Variants in ATP6V1E1 observed in about 807,000 individuals in gnomAD.
ATP6V1E1 encodes ATPase H+ transporting V1 subunit E1, also known as V-type proton ATPase subunit E 1.
In ATP6V1E1, 21 loss-of-function variants were observed where a neutral mutation model predicts 35.2. That is an observed-to-expected ratio of 0.60 (90% CI 0.42 to 0.86). The LOEUF (loss-of-function observed/expected upper bound fraction) is 0.86, where lower values mean the gene tolerates loss of function less well. Ranked by LOEUF, ATP6V1E1 falls within the 40% of genes least tolerant of loss-of-function variation. The pLI is 0.00. For missense variants in ATP6V1E1, 183 were observed against 272.6 expected, an observed-to-expected ratio of 0.67 and a Z score of 2.32; for synonymous variants, 83 against 87.8, an observed-to-expected ratio of 0.95 and a Z score of 0.30.
intron 2 of ATP6V1E1, among the ~76,000 whole-genome samples, chr22:17,617,998 C>T (rs1048528344): frequency 1.6e-4 from 24 of 150,936 alleles, no homozygotes; most frequent in Non-Finnish European, 2.4e-4. Context: ...TTAGTAGACA[C>T]GGGGTTTCAC....
At chr22:17,613,178 C>A (rs565993607) in intron 3 of ATP6V1E1, 33 bp downstream of exon 3, 1 of 1,589,442 alleles carries the variant, frequency 6.3e-7, no homozygotes, top group Non-Finnish European at 8.6e-7. Flanking sequence ...CAGAAAACTT[C>A]TTAGCTTAAT....
At chr22:17,610,184 G>C (rs1230094092) in intron 4 of ATP6V1E1, among the ~76,000 whole-genome samples, 1 of 152,024 alleles carries the variant, frequency 6.6e-6, no homozygotes, top group Non-Finnish European at 1.5e-5. Context: ...ATAGATTTAA[G>C]GCAGCTTACA....
intron 5 of ATP6V1E1, chr22:17,600,656 A>T (rs927254894): frequency 6.5e-6 from 1 of 154,896 alleles, no homozygotes; most frequent in Non-Finnish European, 1.4e-5. Context: ...TACATCAACC[A>T]AGCTGAGGAC....
chr22:17,611,909 T>C (rs111346295), intron 4 of ATP6V1E1, among the ~76,000 whole-genome samples: 6 of 152,244 alleles, frequency 3.9e-5, no homozygotes, highest in African/African-American at 1.4e-4. Flanking sequence ...TCTATATTTT[T>C]AGTTTTATAG....
intron 4 of ATP6V1E1, among the ~76,000 whole-genome samples, chr22:17,608,951 T>C (rs1428343618): frequency 1.3e-5 from 2 of 151,838 alleles, no homozygotes; most frequent in Middle Eastern, 3.2e-3. Context: ...CCGGGCGCAG[T>C]GGCGGGCGTC....
chr22:17,600,793 A>C (rs2057758188), intron 5 of ATP6V1E1: 1 of 201,248 alleles, frequency 5.0e-6, no homozygotes, highest in Non-Finnish European at 1.0e-5. Flanking sequence ...AAATCAAATT[A>C]AGGGAATTTA....
intron 4 of ATP6V1E1, among the ~76,000 whole-genome samples, chr22:17,605,967 AC>A (rs2057785074): frequency 7.3e-6 from 1 of 137,524 alleles, no homozygotes; most frequent in Non-Finnish European, 1.6e-5. Context: ...GCCTTCTCCT[AC>A]TTTTTATAAG....
chr22:17,593,930 C>T (rs1287751294), intron 8 of ATP6V1E1, among the ~76,000 whole-genome samples: 8 of 152,114 alleles, frequency 5.3e-5, no homozygotes, highest in East Asian at 1.9e-4. Flanking sequence ...TGTCTGAGCA[C>T]GGTGGCTCAC....
chr22:17,614,517 A>AC (rs59230530), intron 2 of ATP6V1E1, among the ~76,000 whole-genome samples: 12 of 150,104 alleles, frequency 8.0e-5, no homozygotes, highest in East Asian at 3.9e-4. Flanking sequence ...ACACACACAC[A>AC]AAAATTAGCC....
At chr22:17,620,839 G>A (rs565103898) in intron 1 of ATP6V1E1, among the ~76,000 whole-genome samples, 3 of 152,192 alleles carry the variant, frequency 2.0e-5, no homozygotes, top group South Asian at 2.1e-4. Context: ...CGAGGCGGGC[G>A]GATCACGAGG....
chr22:17,626,972 G>A lies in ATP6V1E1; in HGVS notation c.33+1631C>T, dbSNP rs561122258. Among the ~76,000 whole-genome samples the A allele has an allele frequency of 8.6e-5, 13 of 152,028 alleles. No homozygotes were observed. In the South Asian group the frequency reaches 2.1e-3, roughly 24 times the overall value. The stretch of plus-strand genomic sequence containing the variant: ...GCTACAGGTGTGAGCCACCACACCT[G>A]GCGTGTATTTGTGTTTATTAATATT... On this transcript the variant is annotated intron_variant, in intron 1 of 8. Transcript: ENST00000253413.
chr22:17,597,947 G>A (rs550695438), intron 7 of ATP6V1E1: 312 of 459,500 alleles, frequency 6.8e-4, no homozygotes, highest in African/African-American at 5.9e-3. Context: ...AAAGTGTTGG[G>A]ATTACAGGCG....
At position 17,624,370 on chromosome 22, in the gene ATP6V1E1, A is replaced by G. The variant is rs192016767; in HGVS notation, c.33+4233T>C. ...GGAGTTCGAGACCAGCCTGGCCAAC[A>G]TGGTGAAACCCCATCTCTACTAAAA... On this transcript the variant is annotated intron_variant, in intron 1 of 8. Coordinates refer to ENST00000253413, the MANE Select transcript of ATP6V1E1 (RefSeq NM_001696.4). 7.4e-3 allele frequency among the ~76,000 whole-genome samples: 1,120 copies of G among 151,702 alleles called. 9 individuals are homozygous for G. The highest frequency in any genetic ancestry group is 0.025 in the African/African-American group (1,047 of 41,352).
intron 1 of ATP6V1E1, among the ~76,000 whole-genome samples, chr22:17,624,351 C>T (rs368519101): frequency 1.3e-5 from 2 of 152,076 alleles, no homozygotes; most frequent in Non-Finnish European, 2.9e-5. Flanking sequence ...GTCAGGAGTT[C>T]GAGACCAGCC....
At chr22:17,597,768 C>G (rs890493422) in intron 7 of ATP6V1E1, among the ~76,000 whole-genome samples, 1 of 151,852 alleles carries the variant, frequency 6.6e-6, no homozygotes, top group African/African-American at 2.4e-5. Flanking sequence ...GTAGCTGGGA[C>G]TACAGGCGTG....
chr22:17,613,412 A>G, intron 2 of ATP6V1E1, 92 bp from the exon 3 acceptor site: 1 of 928,696 alleles, frequency 1.1e-6, no homozygotes, highest in Non-Finnish European at 1.7e-6. Context: ...GCTTATGAAC[A>G]CTAATTTCAT....
intron 6 of ATP6V1E1, among the ~76,000 whole-genome samples, chr22:17,599,454 T>C (rs2057750292): frequency 6.7e-6 from 1 of 149,202 alleles, no homozygotes; most frequent in Non-Finnish European, 1.5e-5. Flanking sequence ...TGCATGCCTG[T>C]AATCCCAGCT....
chr22:17,619,185 G>T (rs534629303), intron 2 of ATP6V1E1: 12 of 468,688 alleles, frequency 2.6e-5, no homozygotes, highest in African/African-American at 1.6e-4. Context: ...TCAGCTACTC[G>T]GGAGGCTGAG....
chr22:17,620,389 C>T (rs914862443), intron 1 of ATP6V1E1, among the ~76,000 whole-genome samples: 2 of 151,912 alleles, frequency 1.3e-5, no homozygotes, highest in Non-Finnish European at 2.9e-5. Flanking sequence ...CCCTGTGATC[C>T]GCCCGCCTCA....
Sources: gnomAD v4.1 joint callset for allele counts (sites outside exome capture counted in the v4.1 genomes callset) on GRCh38, gnomAD v4.1.1 for gene constraint, MANE v1.5 for transcripts, NCBI Gene and HGNC (gene_info 2026-07-23, HGNC 2026-07-21) for gene names.